Variants in TENM3 observed in about 807,000 individuals in gnomAD.
The protein encoded by TENM3 is teneurin-3.
Under a neutral mutation model 255.1 loss-of-function variants are expected in TENM3, and 63 were observed. The observed-to-expected ratio is 0.25, with a 90% CI of 0.20 to 0.30. The LOEUF is 0.30. Ranked by LOEUF, TENM3 falls within the 10% of genes least tolerant of loss-of-function variation. The pLI is 1.00. For synonymous variants in TENM3, 1,306 were observed against 1,322.3 expected (o/e 0.99, Z 0.27); for missense variants, 2,929 against 3,461.1 (o/e 0.85, Z 3.86).
At chr4:182,672,978 C>T (rs1361884268) in intron 6 of TENM3, 27 bp from the exon 7 acceptor site, 2 of 1,441,116 alleles carry the variant, frequency 1.4e-6, no homozygotes, top group African/African-American at 1.4e-5. Flanking sequence ...AAAATTTGTT[C>T]TTCATCAGTG....
intron 8 of TENM3, 46 bp downstream of exon 8, chr4:182,679,922 C>T (rs769550817): frequency 2.1e-5 from 31 of 1,493,954 alleles, no homozygotes; most frequent in South Asian, 4.8e-5. Context: ...ATAGCCTAAA[C>T]GCCGTGTTTA....
chr4:182,053,620 C>T, the TENM3 span, among the ~76,000 whole-genome samples: 36 of 152,276 alleles, frequency 2.4e-4, no homozygotes, highest in African/African-American at 8.2e-4. Context: ...TTGCCTGAGT[C>T]CTTTGCAGCC....
At chr4:182,470,083 A>G (rs1361443708) in intron 3 of TENM3, among the ~76,000 whole-genome samples, 1 of 152,180 alleles carries the variant, frequency 6.6e-6, no homozygotes, top group East Asian at 1.9e-4. Flanking sequence ...TAAGGTCATC[A>G]TTTAAAAAAG....
chr4:182,784,698 T>C (rs184977806), intron 24 of TENM3, among the ~76,000 whole-genome samples: 14,915 of 145,584 alleles, frequency 0.1, 1,098 homozygotes, highest in East Asian at 0.22. Flanking sequence ...GTGCTAGCAA[T>C]CAGCGAGACT....
chr4:182,093,258 G>T, the TENM3 span, among the ~76,000 whole-genome samples: 4 of 152,228 alleles, frequency 2.6e-5, no homozygotes, highest in East Asian at 7.7e-4. Flanking sequence ...CTGGACTTGT[G>T]GGACAATTGA....
the TENM3 span, among the ~76,000 whole-genome samples, chr4:181,751,399 C>A: frequency 3.5e-5 from 5 of 142,574 alleles, no homozygotes; most frequent in Admixed American, 7.1e-5. Flanking sequence ...TTAGCAACTA[C>A]TACAGCCTTC....
Position 182,792,715 on chromosome 4 carries a change from G to T in TENM3, c.6043G>T (p.Ala2015Ser). 1 of 1,613,946 alleles carries T rather than the reference G, an allele frequency of 6.2e-7. No homozygotes were observed. The highest frequency in any genetic ancestry group is 1.3e-5 in the African/African-American group (1 of 75,036). Residue 2015 changes from alanine to serine, a missense_variant, in exon 26 of 28, where the codon GCA becomes TCA. Coordinates refer to ENST00000511685, the MANE Select transcript of TENM3 (RefSeq NM_001080477.4). This position sits in a 1 kb window ranked among gnomAD's most constrained non-coding sequence, Gnocchi z 6.3. ...CTTTAGTGAAGATGGGATGGTAAAT[G>T]CAAGATTTGACTATAGCTATGACAA... ...FRFSEDGMVN[A>S]RFDYSYDNSF...
the TENM3 span, among the ~76,000 whole-genome samples, chr4:181,572,835 C>T: frequency 2.8e-4 from 42 of 152,076 alleles, no homozygotes; most frequent in Non-Finnish European, 4.9e-4. Flanking sequence ...AGACCTTATC[C>T]ATTCTATCTA....
the TENM3 span, among the ~76,000 whole-genome samples, chr4:181,888,743 T>C: frequency 1.3e-5 from 2 of 149,646 alleles, no homozygotes; most frequent in South Asian, 4.3e-4. Context: ...CCGAAGGCCT[T>C]GGGGCAGGGG....
chr4:182,500,834 A>G (rs1324398804), intron 3 of TENM3, among the ~76,000 whole-genome samples: 2 of 152,168 alleles, frequency 1.3e-5, no homozygotes, highest in East Asian at 1.9e-4. Context: ...GTTCTGATAT[A>G]GATTTATATG....
the TENM3 span, among the ~76,000 whole-genome samples, chr4:181,667,713 G>A: frequency 6.6e-6 from 1 of 152,138 alleles, no homozygotes; most frequent in Non-Finnish European, 1.5e-5. Context: ...AGAACCAAGA[G>A]CCAATACATT....
At chr4:182,076,916 CCCTGCTTGGACAAGGACAGAGTCTT>C in the TENM3 span, among the ~76,000 whole-genome samples, 2 of 152,116 alleles carry the variant, frequency 1.3e-5, no homozygotes, top group Admixed American at 1.3e-4. Context: ...CAACCTCTTG[CCCTGCTTGGACAAGGACAGAGTCTT>C]CTTGCTATTA....
chr4:181,959,654 G>A, the TENM3 span, among the ~76,000 whole-genome samples: 1 of 151,896 alleles, frequency 6.6e-6, no homozygotes, highest in Admixed American at 6.6e-5. Flanking sequence ...CTTGGGAGGG[G>A]GGACATCTTA....
chr4:181,700,303 C>T, the TENM3 span, among the ~76,000 whole-genome samples: 1 of 150,546 alleles, frequency 6.6e-6, no homozygotes, highest in Non-Finnish European at 1.5e-5. Context: ...TAATTTTTTG[C>T]TTCTCAGGAA....
chr4:181,719,124 T>G, the TENM3 span, among the ~76,000 whole-genome samples: 1 of 151,496 alleles, frequency 6.6e-6, no homozygotes, highest in African/African-American at 2.4e-5. Context: ...GAGAATGGCG[T>G]GAACCCGGGA....
intron 1 of TENM3, among the ~76,000 whole-genome samples, chr4:182,292,346 A>T (rs1179271099): frequency 3.3e-5 from 5 of 152,060 alleles, no homozygotes; most frequent in Non-Finnish European, 7.4e-5. Flanking sequence ...TGTAAAATTC[A>T]CCTCAAAAAA....
At chr4:182,781,227 T>C (rs1465863772) in intron 24 of TENM3, among the ~76,000 whole-genome samples, 1 of 150,452 alleles carries the variant, frequency 6.6e-6, no homozygotes, top group Non-Finnish European at 1.5e-5. Context: ...TTGAGATACG[T>C]CCCATCAATA....
chr4:181,461,729 T>C, the TENM3 span, among the ~76,000 whole-genome samples: 1 of 152,336 alleles, frequency 6.6e-6, no homozygotes, highest in Non-Finnish European at 1.5e-5. Context: ...TCTCTATGGT[T>C]CATATTTATC....
At chr4:181,533,448 T>C in the TENM3 span, among the ~76,000 whole-genome samples, 2 of 152,162 alleles carry the variant, frequency 1.3e-5, no homozygotes, top group Non-Finnish European at 2.9e-5. Flanking sequence ...TTCACCTTTA[T>C]GTTCTCAACA....
Sources: gnomAD v4.1 joint callset for allele counts (sites outside exome capture counted in the v4.1 genomes callset) on GRCh38, gnomAD v4.1.1 for gene constraint, Gnocchi (gnomAD v3.1) non-coding constraint, MANE v1.5 for transcripts, NCBI Gene and HGNC (gene_info 2026-07-23, HGNC 2026-07-21) for gene names.